PRKAR1B: variants seen among roughly 807,000 people sequenced by gnomAD.
PRKAR1B encodes cAMP-dependent protein kinase type I-beta regulatory subunit.
Under a neutral mutation model 46.5 loss-of-function variants are expected in PRKAR1B, and 22 were observed. That is an observed-to-expected ratio of 0.47 (90% confidence interval 0.34 to 0.68). The LOEUF (loss-of-function observed/expected upper bound fraction) is 0.68. PRKAR1B is among the 30% of genes least tolerant of loss of function. The pLI, the probability that PRKAR1B is intolerant of heterozygous loss-of-function variation, is 0.01. For synonymous variants in PRKAR1B, 259 were observed against 217.7 expected (o/e 1.19, Z -1.67); for missense variants, 445 against 535.6 (o/e 0.83, Z 1.67).
Position 593,639 on chromosome 7 carries a change from G to A in PRKAR1B, c.708+2507C>T, listed in dbSNP as rs965604965. 2.0e-5 allele frequency among the ~76,000 whole-genome samples: 3 copies of A among 152,272 alleles called. No individual in the cohort carries two copies. The highest frequency in any genetic ancestry group is 3.9e-4 in the East Asian group (2 of 5,168). On this transcript the variant is annotated intron_variant, in intron 7 of 10. Transcript: ENST00000537384. This position sits in a 1 kb window ranked among gnomAD's most constrained non-coding sequence, Gnocchi z 6.1. ...TGTGCCCTCTTCCTGCCCCAAAACC[G>A]CTCCAGCCCCTCTCAGGGGGAGGGT...
At chr7:641,158 T>C (rs1784365830) in intron 4 of PRKAR1B, among the ~76,000 whole-genome samples, 1 of 152,102 alleles carries the variant, frequency 6.6e-6, no homozygotes, top group South Asian at 2.1e-4. Flanking sequence ...TTCACCGTGT[T>C]GGCCAGGATG....
At chr7:726,764 C>G in intron 1 of PRKAR1B, 1 of 1,258,872 alleles carries the variant, frequency 7.9e-7, no homozygotes, top group Non-Finnish European at 1.0e-6. Flanking sequence ...GCCCCACACC[C>G]GGCTGAGGGG....
chr7:705,351 C>T (rs1480467328), intron 2 of PRKAR1B, among the ~76,000 whole-genome samples: 1 of 150,824 alleles, frequency 6.6e-6, no homozygotes, highest in African/African-American at 2.4e-5. Flanking sequence ...ATTTTAGGTG[C>T]CACCATATAC....
At chr7:594,882 C>T (rs1781184765) in intron 7 of PRKAR1B, among the ~76,000 whole-genome samples, 1 of 152,160 alleles carries the variant, frequency 6.6e-6, no homozygotes, top group African/African-American at 2.4e-5. Context: ...CACAAGGGGA[C>T]TCCAAACTAT....
At chr7:659,484 G>A (rs1400165353) in intron 4 of PRKAR1B, among the ~76,000 whole-genome samples, 6 of 152,144 alleles carry the variant, frequency 3.9e-5, no homozygotes, top group Non-Finnish European at 7.3e-5. Context: ...GGCCGCACAC[G>A]CCGTCCCGAG....
chr7:558,052 G>A (rs186171712), intron 9 of PRKAR1B, among the ~76,000 whole-genome samples: 288 of 151,850 alleles, frequency 1.9e-3, no homozygotes, highest in African/African-American at 6.6e-3. Flanking sequence ...AGTGGCTCAC[G>A]CCTGTAATCC....
intron 9 of PRKAR1B, among the ~76,000 whole-genome samples, chr7:572,780 C>T (rs959386522): frequency 1.3e-5 from 2 of 152,174 alleles, no homozygotes; most frequent in Admixed American, 1.3e-4. Flanking sequence ...GCGGGAGCTC[C>T]GTGGCCCTAC....
intron 4 of PRKAR1B, among the ~76,000 whole-genome samples, chr7:624,236 C>T (rs1450290067): frequency 6.6e-6 from 1 of 152,170 alleles, no homozygotes; most frequent in Non-Finnish European, 1.5e-5. Flanking sequence ...AGTTCGAGAC[C>T]AGCCTGGCCA....
In PRKAR1B at chr7:560,985, CTT is replaced by C. The variant is rs779124513; in HGVS notation, c.892-9517_892-9516del. 2.0e-5 allele frequency among the ~76,000 whole-genome samples: 3 copies of C among 152,244 alleles called. No individual in the cohort carries two copies. The East Asian group carries it at 5.8e-4, about 29-fold the overall frequency. On this transcript the variant is annotated intron_variant, in intron 9 of 10. Transcript: ENST00000537384. This position sits in a 1 kb window ranked among gnomAD's most constrained non-coding sequence, Gnocchi z 4.2. ...CATTTCCTGCCTGTGTGCTTCTGGA[CTT>C]AGGCAGAAGCAGAATCCTATACATA...
chr7:567,421 CCATCATCACCAT>C (rs975244164), intron 9 of PRKAR1B, among the ~76,000 whole-genome samples: 11 of 138,604 alleles, frequency 7.9e-5, no homozygotes, highest in African/African-American at 2.4e-4. Context: ...ATCATCATCA[CCATCATCACCAT>C]CATCATCACC....
At chr7:574,015 C>T (rs144326055) in intron 9 of PRKAR1B, among the ~76,000 whole-genome samples, 2,367 of 152,346 alleles carry the variant, frequency 0.016, 48 homozygotes, top group African/African-American at 0.044. Flanking sequence ...CCGCGCGACT[C>T]GGTGATGCCA....
chr7:587,899 C>CA (rs1248480506), intron 7 of PRKAR1B, among the ~76,000 whole-genome samples: 1 of 152,230 alleles, frequency 6.6e-6, no homozygotes, highest in Non-Finnish European at 1.5e-5. Flanking sequence ...AAAACTATGA[C>CA]AAAAATGCAA....
At chr7:567,526 CCATCAT>C (rs1465428738) in intron 9 of PRKAR1B, among the ~76,000 whole-genome samples, 2 of 145,514 alleles carry the variant, frequency 1.4e-5, no homozygotes, top group African/African-American at 5.1e-5. Context: ...ATCACCATCA[CCATCAT>C]CACTATCACC....
At chr7:658,254 C>T (rs538075165) in intron 4 of PRKAR1B, among the ~76,000 whole-genome samples, 97 of 151,992 alleles carry the variant, frequency 6.4e-4, no homozygotes, top group African/African-American at 2.0e-3. Flanking sequence ...GGCAACACAG[C>T]GAGACCCCCA....
intron 4 of PRKAR1B, among the ~76,000 whole-genome samples, chr7:632,939 A>G (rs1347277383): frequency 2.0e-5 from 3 of 152,218 alleles, no homozygotes; most frequent in Non-Finnish European, 4.4e-5. Context: ...AGCAGACACC[A>G]GGTCCCGGCC....
chr7:703,852 A>C (rs1419235052), intron 2 of PRKAR1B, among the ~76,000 whole-genome samples: 2 of 152,146 alleles, frequency 1.3e-5, no homozygotes, highest in African/African-American at 4.8e-5. Context: ...AAAGATTCAA[A>C]ACCATATAAG....
intron 4 of PRKAR1B, among the ~76,000 whole-genome samples, chr7:629,456 C>T (rs1389829518): frequency 2.4e-5 from 3 of 126,180 alleles, no homozygotes; most frequent in Non-Finnish European, 5.0e-5. Flanking sequence ...CCTCCGAGGG[C>T]GCCACCACCC....
chr7:556,130 C>T (rs1562515837), intron 9 of PRKAR1B, among the ~76,000 whole-genome samples: 3 of 152,190 alleles, frequency 2.0e-5, no homozygotes, highest in Non-Finnish European at 4.4e-5. Flanking sequence ...ACCCCCAGGC[C>T]ACCCTGCACC....
chr7:724,456 C>A (rs1781179619), intron 1 of PRKAR1B, among the ~76,000 whole-genome samples: 1 of 152,184 alleles, frequency 6.6e-6, no homozygotes. Flanking sequence ...TGCCTGCTGC[C>A]ATCATGTAAG....
Sources: gnomAD v4.1 joint callset for allele counts (sites outside exome capture counted in the v4.1 genomes callset) on GRCh38, gnomAD v4.1.1 for gene constraint, Gnocchi (gnomAD v3.1) non-coding constraint, MANE v1.5 for transcripts, NCBI Gene and HGNC (gene_info 2026-07-23, HGNC 2026-07-21) for gene names.